Variants in KRT6B observed in about 807,000 individuals in gnomAD.
The protein encoded by KRT6B is keratin, type II cytoskeletal 6B.
In KRT6B, 29 loss-of-function variants were observed where a neutral mutation model predicts 44.7. The ratio of observed to expected loss-of-function variants is 0.65; its 90% confidence interval spans 0.48 to 0.88. The LOEUF (loss-of-function observed/expected upper bound fraction) is 0.88, where lower values mean the gene tolerates loss of function less well. Among genes scored for constraint, KRT6B ranks in the 40% least tolerant of loss-of-function variants. The pLI is 0.00. For missense variants in KRT6B, 600 were observed against 724.0 expected (o/e 0.83, Z 1.97); for synonymous variants, 213 against 296.0 (o/e 0.72, Z 2.88).
At chr12:52,449,377 C>T (rs1940361248) in intron 5 of KRT6B, 92 bp downstream of exon 5, 1 of 1,571,992 alleles carries the variant, frequency 6.4e-7, no homozygotes, top group Non-Finnish European at 8.8e-7. Flanking sequence ...CCCCAGCTTC[C>T]TGTCAGGGGA....
Position 52,452,075 on chromosome 12 carries a change from C to T in KRT6B, c.4G>A (p.Ala2Thr), listed in dbSNP as rs1277037321. 6.2e-7 allele frequency: 1 copy of T among 1,614,074 alleles called. No homozygotes were observed. The highest frequency in any genetic ancestry group is 1.7e-5 in the Admixed American group (1 of 60,010). The change falls in exon 1 of 9, where the codon GCC (alanine) becomes ACC (threonine). Residue 2 changes from alanine (A) to threonine (T), a missense_variant. Ala to Thr is a moderately conservative substitution (Grantham distance 58). Around this residue, in one of 4 missense-constraint regions of KRT6B, gnomAD observed 78 missense variants for 97.5 expected, o/e 0.80. Transcript: ENST00000252252. ...CTCCTGATGGTGGTGGATGTGCTGG[C>T]CATGGTTCCAGGAGATGAGAGGGCT... M[A>T]STSTTIRSHS...
chr12:52,448,312 G>A (rs1020065594), intron 6 of KRT6B, among the ~76,000 whole-genome samples: 6 of 152,144 alleles, frequency 3.9e-5, no homozygotes, highest in Admixed American at 3.9e-4. Context: ...AACCATTTTT[G>A]ATGACCTTAC....
chr12:52,447,438 G>A lies in KRT6B; in HGVS notation c.1460-13C>T. The A allele has an allele frequency of 1.2e-6, 2 of 1,614,064 alleles. No individual in the cohort carries two copies. The highest frequency in any genetic ancestry group is 2.2e-5 in the East Asian group (1 of 44,868). On this transcript the variant is annotated splice_polypyrimidine_tract_variant and intron_variant, in intron 8 of 8. Coordinates refer to ENST00000252252, the MANE Select transcript of KRT6B (RefSeq NM_005555.4). ...GACTGCACTACAGCTGTGGTGGGGAGGGGACAAGGACACAAGAAGCCACAA... is the reference window on the plus strand; with the variant it reads ...GACTGCACTACAGCTGTGGTGGGGAAGGGACAAGGACACAAGAAGCCACAA...
chr12:52,447,710 AGTT>A (rs1372944024), intron 7 of KRT6B, 65 bp downstream of exon 7: 18 of 1,613,992 alleles, frequency 1.1e-5, no homozygotes, highest in Non-Finnish European at 1.5e-5. Flanking sequence ...TGCACCTTAA[AGTT>A]GTGCTCAGTG....
At position 52,447,296 on chromosome 12, in the gene KRT6B, C is replaced by G. The variant is rs1449016650; in HGVS notation, c.1589G>C (p.Ser530Thr). 6.2e-7 allele frequency: 1 copy of G among 1,614,020 alleles called. No homozygotes were observed. The highest frequency in any genetic ancestry group is 8.5e-7 in the Non-Finnish European group (1 of 1,179,870). Reference sequence around the variant, plus strand: ...GCCACCCCCAGTGGCTCTGCCGCTGCTGGAACTAAAGCCGCCTCCAACGCC... The same window carrying G: ...GCCACCCCCAGTGGCTCTGCCGCTGGTGGAACTAAAGCCGCCTCCAACGCC... Reference protein sequence around the residue: ...GLGVGGGFSSSSGRATGGGLS... With the variant: ...GLGVGGGFSSTSGRATGGGLS... Residue 530 changes from serine to threonine, a missense_variant, in exon 9 of 9, where the codon AGC becomes ACC. Ser to Thr is a moderately conservative substitution (Grantham distance 58, BLOSUM62 1). Coordinates refer to ENST00000252252, the MANE Select transcript of KRT6B (RefSeq NM_005555.4).
Position 52,448,927 on chromosome 12 carries a change from T to C in KRT6B, c.1118A>G (p.Asp373Gly), listed in dbSNP as rs781494966. The C allele has an allele frequency of 6.8e-6, 11 of 1,613,624 alleles. No homozygotes were observed. The highest frequency in any genetic ancestry group is 9.3e-6 in the Non-Finnish European group (11 of 1,179,858). Residue 373 changes from aspartate to glycine, a missense_variant, in exon 6 of 9, where the codon GAC (aspartate) becomes GGC (glycine). Coordinates refer to ENST00000252252, the MANE Select transcript of KRT6B (RefSeq NM_005555.4). ...AATCTCCTGCTTGGTGTTGCGCAGG[T>C]CGTCCCCATGTCTGCCTGCTGTGAT... Reference protein sequence around the residue: ...LQITAGRHGDDLRNTKQEIAE... With the variant: ...LQITAGRHGDGLRNTKQEIAE...
rs1305281753 is a variant in KRT6B at position 52,447,987 on chromosome 12, T to C, written c.1215A>G (p.Leu405=). The part of the protein sequence containing the change: ...IDHVKKQCAN[L]QAAIADAEQR... ...GCTCAGCATCAGCAATGGCGGCCTG[T>C]AGGTTGGCACACTAGGAGGGCAAAG... The change falls in exon 7 of 9, where the codon CTA becomes CTG. Residue 405 remains leucine, a synonymous_variant. Transcript: ENST00000252252. 8.1e-6 allele frequency: 13 copies of C among 1,614,162 alleles called. No individual in the cohort carries two copies. Among genetic ancestry groups the C allele is most frequent in the Non-Finnish European group, 1.1e-5 (13 of 1,180,020 alleles).
Position 52,447,410 on chromosome 12 carries a change from G to A in KRT6B, c.1475C>T (p.Thr492Ile). ...GGCACCGCCATAGCCACTGGAGACGGTGGACTGCACTACAGCTGTGGTGGG... is the reference window on the plus strand; with the variant it reads ...GGCACCGCCATAGCCACTGGAGACGATGGACTGCACTACAGCTGTGGTGGG... ...GQVNISVVQS[T>I]VSSGYGGASG... Residue 492 changes from threonine (T) to isoleucine (I), a missense_variant, in exon 9 of 9, where the codon ACC (threonine) becomes ATC (isoleucine). Transcript: ENST00000252252. 1 of 1,614,112 alleles carries A rather than the reference G, an allele frequency of 6.2e-7. No homozygotes were observed. The highest frequency in any genetic ancestry group is 8.5e-7 in the Non-Finnish European group (1 of 1,179,972).
At position 52,446,836 on chromosome 12, in the gene KRT6B, G is replaced by A; in HGVS notation, c.*354C>T. The A allele has an allele frequency of 2.0e-5, 7 of 348,046 alleles. No individual in the cohort carries two copies. Among genetic ancestry groups the A allele is most frequent in the Non-Finnish European group, 3.7e-5 (7 of 187,034 alleles). The allele number at this position is 348,046 out of a possible 1,614,324, so 21.6% of individuals were successfully genotyped here. A position where few individuals can be genotyped will look rare whatever the true frequency, so the allele number is the denominator to read the frequency against. ...GAGTGTAGCTATAATGGGCAGGATGGTTAGCAATTAAAGAGAGGACTCCTC... is the reference window on the plus strand; with the variant it reads ...GAGTGTAGCTATAATGGGCAGGATGATTAGCAATTAAAGAGAGGACTCCTC... On this transcript the variant is annotated 3_prime_UTR_variant, in exon 9 of 9. Transcript: ENST00000252252.
intron 2 of KRT6B, 98 bp from the exon 3 acceptor site, chr12:52,450,170 T>C: frequency 1.2e-6 from 2 of 1,606,272 alleles, no homozygotes; most frequent in Non-Finnish European, 1.7e-6. Context: ...GAATATATTC[T>C]AATTGAGCTT....
intron 5 of KRT6B, among the ~76,000 whole-genome samples, 194 bp from the exon 6 acceptor site, chr12:52,449,161 C>T (rs1211513532): frequency 1.3e-5 from 2 of 152,194 alleles, no homozygotes; most frequent in Non-Finnish European, 2.9e-5. Flanking sequence ...TATGGCACCA[C>T]TGCCTGCCTA....
In KRT6B at chr12:52,449,843, G is replaced by T. The variant is rs137905665; in HGVS notation, c.827C>A (p.Ala276Asp). 61 of 1,613,868 alleles carry T rather than the reference G, an allele frequency of 3.8e-5. No individual in the cohort carries two copies. The highest frequency in any genetic ancestry group is 5.0e-5 in the Non-Finnish European group (59 of 1,179,904). Residue 276 changes from alanine to aspartate, a missense_variant, in exon 4 of 9, where the codon GCT becomes GAT. Physicochemically the swap from Ala to Asp is moderately radical, Grantham distance 126. Transcript: ENST00000252252. ...EFVTLKKDVD[A>D]AYMNKVELQA... ...CAGTTCAACCTTGTTCATGTAGGCA[G>T]CATCCACATCCTGGGGAAAGAGCCA...
Position 52,447,069 on chromosome 12 carries a change from C to A in KRT6B, c.*121G>T. 7.7e-7 allele frequency: 1 copy of A among 1,291,098 alleles called. No individual in the cohort carries two copies. Among genetic ancestry groups the A allele is most frequent in the African/African-American group, 1.5e-5 (1 of 67,592 alleles). 80.0% of individuals were successfully genotyped at this position (1,291,098 alleles called of 1,614,324 possible). A position where few individuals can be genotyped will look rare whatever the true frequency, so the allele number is the denominator to read the frequency against. ...GATGAGAAGAAAAGTGAGGGCATCC[C>A]AGCTCTACCCGGGAGGGCAGGGGAG... On this transcript the variant is annotated 3_prime_UTR_variant, in exon 9 of 9. Coordinates refer to ENST00000252252, the MANE Select transcript of KRT6B (RefSeq NM_005555.4).
chr12:52,447,309 C>G lies in KRT6B; in HGVS notation c.1576G>C (p.Gly526Arg). Reference sequence around the variant, plus strand: ...GCTCTGCCGCTGCTGGAACTAAAGCCGCCTCCAACGCCAAGACCACTGCCA... The same window carrying G: ...GCTCTGCCGCTGCTGGAACTAAAGCGGCCTCCAACGCCAAGACCACTGCCA... ...SYGSGLGVGG[G>R]FSSSSGRATG... Residue 526 changes from glycine to arginine, a missense_variant, in exon 9 of 9, where the codon GGC becomes CGC. Gly to Arg is a moderately radical substitution (Grantham distance 125). Coordinates refer to ENST00000252252, the MANE Select transcript of KRT6B (RefSeq NM_005555.4). 6.2e-7 allele frequency: 1 copy of G among 1,614,042 alleles called. No individual in the cohort carries two copies. Among genetic ancestry groups the G allele is most frequent in the Non-Finnish European group, 8.5e-7 (1 of 1,179,892 alleles).
chr12:52,448,076 T>C, intron 6 of KRT6B, 78 bp from the exon 7 acceptor site: 1 of 1,584,916 alleles, frequency 6.3e-7, no homozygotes. Flanking sequence ...TCTTTTCCAG[T>C]GAAGAAGGCA....
intron 5 of KRT6B, 48 bp from the exon 6 acceptor site, chr12:52,449,015 T>C (rs1298714999): frequency 1.3e-6 from 2 of 1,598,178 alleles, no homozygotes; most frequent in South Asian, 2.2e-5. Flanking sequence ...GGTTCTTACC[T>C]GGGAGCGATG....
At chr12:52,448,041 C>G (rs545665621) in intron 6 of KRT6B, 43 bp from the exon 7 acceptor site, 10 of 1,613,232 alleles carry the variant, frequency 6.2e-6, no homozygotes, top group Non-Finnish European at 8.5e-6. Flanking sequence ...ATCTGGTCTT[C>G]CAGAGAAGAA....
chr12:52,450,212 T>C (rs557603735), intron 2 of KRT6B, 140 bp from the exon 3 acceptor site: 1 of 1,543,290 alleles, frequency 6.5e-7, no homozygotes. Flanking sequence ...AGATGAATTT[T>C]GCTACTACTA....
chr12:52,448,749 T>C, intron 6 of KRT6B, 93 bp downstream of exon 6: 1 of 1,604,860 alleles, frequency 6.2e-7, no homozygotes, highest in Admixed American at 1.7e-5. Context: ...TATCAATCAA[T>C]TCCCAAAGAA....
Sources: gnomAD v4.1 joint callset for allele counts (sites outside exome capture counted in the v4.1 genomes callset) on GRCh38, gnomAD v4.1.1 for gene constraint, gnomAD v4.1.1 regional missense constraint, MANE v1.5 for transcripts, NCBI Gene and HGNC (gene_info 2026-07-23, HGNC 2026-07-21) for gene names.